Variants in EHD4 observed in about 807,000 individuals in gnomAD.
EHD4 encodes EH domain-containing protein 4.
In EHD4, 37 loss-of-function variants were observed where a neutral mutation model predicts 51.0. That is an observed-to-expected ratio of 0.73 (90% CI 0.56 to 0.95). The LOEUF is 0.95. EHD4 is among the 40% of genes least tolerant of loss of function. The probability of loss-of-function intolerance (pLI) is 0.00; values close to 1 mark genes in which losing one functional copy is unlikely to be tolerated. For synonymous variants in EHD4, 297 were observed against 317.3 expected (o/e 0.94, Z 0.68); for missense variants, 632 against 733.1 (o/e 0.86, Z 1.59).
chr15:41,952,971 C>G (rs1285887488), intron 2 of EHD4, among the ~76,000 whole-genome samples: 1 of 108,890 alleles, frequency 9.2e-6, no homozygotes, highest in African/African-American at 3.6e-5. Context: ...GCCTGGGAGA[C>G]AGAATGAGAC....
chr15:41,945,597 G>C (rs887864913), intron 2 of EHD4, among the ~76,000 whole-genome samples: 5 of 152,244 alleles, frequency 3.3e-5, no homozygotes, highest in African/African-American at 4.8e-5. Flanking sequence ...CTGAAAGACA[G>C]TGTCCAGGGG....
At chr15:41,929,146 C>G (rs1450408615) in intron 3 of EHD4, among the ~76,000 whole-genome samples, 1 of 152,228 alleles carries the variant, frequency 6.6e-6, no homozygotes, top group East Asian at 1.9e-4. Flanking sequence ...AAAGCAAGAA[C>G]TAGGCGTGTC....
chr15:41,913,685 G>A (rs888045485), intron 4 of EHD4, among the ~76,000 whole-genome samples: 1 of 152,206 alleles, frequency 6.6e-6, no homozygotes, highest in Admixed American at 6.5e-5. Flanking sequence ...GTACAGTAAT[G>A]AGAGAGAGGG....
intron 4 of EHD4, among the ~76,000 whole-genome samples, chr15:41,910,213 G>A (rs1424866626): frequency 6.6e-6 from 1 of 152,200 alleles, no homozygotes; most frequent in African/African-American, 2.4e-5. Flanking sequence ...GTGCCTGGGA[G>A]CAACAGGAAA....
At chr15:41,940,184 C>T (rs886971475) in intron 3 of EHD4, among the ~76,000 whole-genome samples, 1 of 152,196 alleles carries the variant, frequency 6.6e-6, no homozygotes, top group Non-Finnish European at 1.5e-5. Flanking sequence ...GAGGGCAGTA[C>T]ACAAGCGGCC....
intron 1 of EHD4, among the ~76,000 whole-genome samples, chr15:41,966,388 C>T (rs2067961898): frequency 1.3e-5 from 2 of 152,188 alleles, no homozygotes; most frequent in South Asian, 4.1e-4. Flanking sequence ...CGTTGCTTTA[C>T]TTGCCTCGTA....
intron 3 of EHD4, among the ~76,000 whole-genome samples, chr15:41,935,377 G>A (rs2067725289): frequency 6.6e-6 from 1 of 152,178 alleles, no homozygotes; most frequent in South Asian, 2.1e-4. Flanking sequence ...CATAGTAGGT[G>A]CTTAAGAAAT....
At chr15:41,905,862 G>A (rs148526066) in intron 5 of EHD4, among the ~76,000 whole-genome samples, 325 of 152,230 alleles carry the variant, frequency 2.1e-3, no homozygotes, top group African/African-American at 7.4e-3. Context: ...AATGGATATC[G>A]GGTCCCACTA....
At chr15:41,969,047 T>C (rs908764361) in intron 1 of EHD4, among the ~76,000 whole-genome samples, 1 of 152,248 alleles carries the variant, frequency 6.6e-6, no homozygotes, top group African/African-American at 2.4e-5. Flanking sequence ...ATTCTCTACA[T>C]AGAAGATCAT....
At chr15:41,962,542 C>CAA (rs35279472) in intron 1 of EHD4, among the ~76,000 whole-genome samples, 21,526 of 127,718 alleles carry the variant, frequency 0.17, 1,964 homozygotes, top group South Asian at 0.28. Flanking sequence ...TGACAAAAGA[C>CAA]AAAAAAAAAA....
chr15:41,943,499 C>T (rs1054325655), intron 2 of EHD4, among the ~76,000 whole-genome samples: 3 of 152,214 alleles, frequency 2.0e-5, no homozygotes, highest in Admixed American at 6.5e-5. Context: ...TACAAATATC[C>T]TCTCATTTGA....
intron 1 of EHD4, among the ~76,000 whole-genome samples, chr15:41,965,752 C>A (rs1284989363): frequency 1.3e-5 from 2 of 152,194 alleles, no homozygotes; most frequent in Non-Finnish European, 2.9e-5. Context: ...TTTTGTAAGT[C>A]AGCTTCTGAA....
intron 2 of EHD4, among the ~76,000 whole-genome samples, chr15:41,951,717 C>A (rs1446289933): frequency 6.6e-6 from 1 of 152,184 alleles, no homozygotes; most frequent in Non-Finnish European, 1.5e-5. Flanking sequence ...CTTTCTGGGG[C>A]CTCCTGTTCT....
At chr15:41,907,542 C>T (rs566412592) in intron 5 of EHD4, among the ~76,000 whole-genome samples, 14 of 152,202 alleles carry the variant, frequency 9.2e-5, no homozygotes, top group Admixed American at 3.3e-4. Context: ...TTTTTTGAGA[C>T]GGGGTCTTAC....
chr15:41,941,432 A>G (rs969932818), intron 3 of EHD4, among the ~76,000 whole-genome samples: 2 of 152,338 alleles, frequency 1.3e-5, no homozygotes, highest in Non-Finnish European at 2.9e-5. Flanking sequence ...AAGAAGTGAG[A>G]GAAAACCATT....
chr15:41,955,417 T>A (rs969259571), intron 1 of EHD4, among the ~76,000 whole-genome samples: 1 of 151,996 alleles, frequency 6.6e-6, no homozygotes, highest in East Asian at 1.9e-4. Context: ...CAAAGCAAAG[T>A]TCAGGGCCTC....
intron 5 of EHD4, among the ~76,000 whole-genome samples, chr15:41,907,047 G>A (rs768011245): frequency 6.6e-6 from 1 of 152,152 alleles, no homozygotes; most frequent in African/African-American, 2.4e-5. Flanking sequence ...GCCCAGGCTA[G>A]CTTTGTCATG....
Position 41,972,326 on chromosome 15 carries a change from C to T in EHD4, c.169G>A (p.Asp57Asn). ...AGGATCATGGGCTTGTTCTCGAAGT[C>T]GGCGTCCTCCAGCGCAGGCGAGTGG... ...EFHSPALEDA[D>N]FENKPMILLV... The change falls in exon 1 of 6, where the codon GAC becomes AAC. Residue 57 changes from aspartate to asparagine, a missense_variant. Coordinates refer to ENST00000220325, the MANE Select transcript of EHD4 (RefSeq NM_139265.4). The T allele has an allele frequency of 6.2e-7, 1 of 1,611,248 alleles. No homozygotes were observed. The highest frequency in any genetic ancestry group is 8.5e-7 in the Non-Finnish European group (1 of 1,178,814).
intron 4 of EHD4, among the ~76,000 whole-genome samples, chr15:41,913,167 G>C (rs1356994842): frequency 1.3e-5 from 2 of 152,184 alleles, no homozygotes; most frequent in Non-Finnish European, 2.9e-5. Flanking sequence ...ACTGCGAGCT[G>C]CTGGCAGGAT....
Sources: allele counts gnomAD v4.1 joint callset (sites outside exome capture counted in the v4.1 genomes callset), GRCh38; gene constraint gnomAD v4.1.1; transcripts MANE v1.5; gene names NCBI Gene and HGNC (gene_info 2026-07-23, HGNC 2026-07-21).